The following PRSS38 variants were observed in gnomAD, a reference collection of about 807,000 sequenced individuals.
The protein encoded by PRSS38 is marapsin 2.
In PRSS38, 22 loss-of-function variants were observed where a neutral mutation model predicts 26.8. The ratio of observed to expected loss-of-function variants is 0.82; its 90% CI spans 0.59 to 1.17. PRSS38 has a LOEUF of 1.17. Among genes scored for constraint, PRSS38 ranks in the 50% most tolerant of loss-of-function variants. The pLI, the probability that PRSS38 is intolerant of heterozygous loss-of-function variation, is 0.00. For synonymous variants in PRSS38, 175 were observed against 172.1 expected, an observed-to-expected ratio of 1.02 and a Z score of -0.13; for missense variants, 427 against 422.7, an observed-to-expected ratio of 1.01 and a Z score of -0.09.
chr1:227,834,565 T>C (rs1041626528), intron 3 of PRSS38, among the ~76,000 whole-genome samples: 1 of 151,836 alleles, frequency 6.6e-6, no homozygotes, highest in Non-Finnish European at 1.5e-5. Context: ...GGTACTCAGG[T>C]GGCTGAGGCA....
At chr1:227,843,980 C>T (rs1399466563) in intron 3 of PRSS38, among the ~76,000 whole-genome samples, 3 of 151,998 alleles carry the variant, frequency 2.0e-5, no homozygotes, top group African/African-American at 4.8e-5. Context: ...AGAGTGAGAC[C>T]CTGTCTCAAA....
At chr1:227,838,538 C>T (rs1449026424) in intron 3 of PRSS38, among the ~76,000 whole-genome samples, 1 of 152,216 alleles carries the variant, frequency 6.6e-6, no homozygotes, top group Non-Finnish European at 1.5e-5. Flanking sequence ...TCGAATGATC[C>T]ATTGTTTTCC....
At chr1:227,832,207 G>T (rs1665162771) in intron 3 of PRSS38, among the ~76,000 whole-genome samples, 1 of 151,940 alleles carries the variant, frequency 6.6e-6, no homozygotes, top group South Asian at 2.1e-4. Context: ...TGTATCTTTT[G>T]GTAGAAAGCA....
intron 3 of PRSS38, among the ~76,000 whole-genome samples, chr1:227,840,745 T>C (rs1265433626): frequency 1.3e-5 from 2 of 152,184 alleles, no homozygotes; most frequent in African/African-American, 2.4e-5. Flanking sequence ...TTTTCTGTAG[T>C]GCCTTATCCT....
intron 3 of PRSS38, among the ~76,000 whole-genome samples, chr1:227,840,848 T>C (rs1377783940): frequency 5.3e-5 from 8 of 152,304 alleles, no homozygotes. Flanking sequence ...ATACCTTCCA[T>C]GTCTCCATCA....
At chr1:227,822,024 T>C (rs983744531) in intron 3 of PRSS38, among the ~76,000 whole-genome samples, 1 of 152,166 alleles carries the variant, frequency 6.6e-6, no homozygotes, top group African/African-American at 2.4e-5. Context: ...TTCCTTCCTC[T>C]TTTTTCCTTT....
intron 3 of PRSS38, 90 bp from the exon 4 acceptor site, chr1:227,845,380 G>A: frequency 3.4e-6 from 3 of 877,430 alleles, no homozygotes; most frequent in Non-Finnish European, 5.3e-6. Context: ...CTCTCCATGG[G>A]CTATCCCCTT....
chr1:227,825,647 A>T (rs1253771876), intron 3 of PRSS38, among the ~76,000 whole-genome samples: 1 of 152,054 alleles, frequency 6.6e-6, no homozygotes, highest in Non-Finnish European at 1.5e-5. Context: ...TCCTTTTCCC[A>T]TTGCTTGTTT....
chr1:227,834,540 G>A (rs1441945740), intron 3 of PRSS38, among the ~76,000 whole-genome samples: 3 of 152,098 alleles, frequency 2.0e-5, no homozygotes, highest in African/African-American at 7.2e-5. Context: ...GTGGTGGTGT[G>A]CACCTGTAAT....
Position 227,837,467 on chromosome 1 carries a change from G to A in PRSS38, c.584-8003G>A, listed in dbSNP as rs7411877. 7.6e-3 allele frequency among the ~76,000 whole-genome samples: 1,159 copies of A among 152,228 alleles called. 17 individuals are homozygous for A. Among genetic ancestry groups the A allele is most frequent in the African/African-American group, 0.024 (984 of 41,544 alleles). ...TTGTGAGTTCTTTCAGTGTTTGCAC[G>A]CAGCAAAGTGTCTTCTCTCCATAGT... On this transcript the variant is annotated intron_variant, in intron 3 of 4. Coordinates refer to ENST00000366757, the Ensembl canonical transcript of PRSS38.
At chr1:227,832,149 T>G (rs557211899) in intron 3 of PRSS38, among the ~76,000 whole-genome samples, 26 of 152,240 alleles carry the variant, frequency 1.7e-4, no homozygotes, top group Non-Finnish European at 3.7e-4. Flanking sequence ...CACGGATATC[T>G]TTTTTCATCT....
intron 3 of PRSS38, among the ~76,000 whole-genome samples, chr1:227,838,963 G>T (rs1283057842): frequency 6.6e-6 from 1 of 152,188 alleles, no homozygotes; most frequent in East Asian, 1.9e-4. Context: ...GGGATTACAG[G>T]CATGAGCCAC....
At chr1:227,824,117 T>C (rs1234580525) in intron 3 of PRSS38, among the ~76,000 whole-genome samples, 1 of 152,226 alleles carries the variant, frequency 6.6e-6, no homozygotes, top group Non-Finnish European at 1.5e-5. Flanking sequence ...GCAGTTTTGT[T>C]ATGTAGGTAA....
intron 3 of PRSS38, among the ~76,000 whole-genome samples, chr1:227,825,728 A>G (rs894804831): frequency 1.3e-5 from 2 of 151,920 alleles, no homozygotes; most frequent in Admixed American, 6.6e-5. Context: ...ATCCTGTTCT[A>G]TTGGTCTATG....
rs548164576 is a variant in PRSS38, at chr1:227,844,695, G to A, written c.584-775G>A. ...ATGTGTGGTCAGGGCTTTTCCCTAT[G>A]TGTGGTCAGGACTCCTCACTGTGTG... On this transcript the variant is annotated intron_variant, in intron 3 of 4. Transcript: ENST00000366757. Among the ~76,000 whole-genome samples, 8 of 146,424 alleles carry A rather than the reference G, an allele frequency of 5.5e-5. No individual in the cohort carries two copies. In the East Asian group the frequency reaches 8.4e-4, roughly 15 times the overall value.
intron 3 of PRSS38, among the ~76,000 whole-genome samples, chr1:227,827,087 T>G (rs1023502332): frequency 7.2e-5 from 11 of 152,162 alleles, no homozygotes; most frequent in African/African-American, 2.7e-4. Context: ...TGCCAGTATA[T>G]TGTTGAGGAT....
chr1:227,827,023 G>A (rs1665083462), intron 3 of PRSS38, among the ~76,000 whole-genome samples: 1 of 152,204 alleles, frequency 6.6e-6, no homozygotes, highest in Non-Finnish European at 1.5e-5. Flanking sequence ...TCCCAGGGAT[G>A]AAGCCAACTT....
At chr1:227,823,514 G>A (rs185305179) in intron 3 of PRSS38, among the ~76,000 whole-genome samples, 2 of 152,118 alleles carry the variant, frequency 1.3e-5, no homozygotes, top group South Asian at 2.1e-4. Context: ...GTTAAAATGT[G>A]CTCCCCAGTG....
intron 3 of PRSS38, among the ~76,000 whole-genome samples, chr1:227,822,336 C>T (rs1411167305): frequency 6.6e-6 from 1 of 151,990 alleles, no homozygotes; most frequent in African/African-American, 2.4e-5. Context: ...GGGACAGTTT[C>T]TATCCACTTA....
Sources: gnomAD v4.1 joint callset for allele counts (sites outside exome capture counted in the v4.1 genomes callset) on GRCh38, gnomAD v4.1.1 for gene constraint, MANE v1.5 for transcripts, NCBI Gene and HGNC (gene_info 2026-07-23, HGNC 2026-07-21) for gene names.